The following SAMD3 variants were observed in gnomAD, a reference collection of about 807,000 sequenced individuals.
The protein encoded by SAMD3 is sterile alpha motif domain containing 3.
SAMD3 carries 63 observed loss-of-function variants against 58.5 expected under a neutral mutation model. The observed-to-expected ratio is 1.08, with a 90% CI of 0.88 to 1.33. SAMD3 has a LOEUF of 1.33. Ranked by LOEUF, SAMD3 falls within the 40% of genes most tolerant of loss-of-function variation. SAMD3 has a pLI of 0.00. For missense variants in SAMD3, 604 were observed against 608.4 expected (o/e 0.99, Z 0.08); for synonymous variants, 220 against 210.3 (o/e 1.05, Z -0.40).
chr6:130,260,676 T>G lies in SAMD3; in HGVS notation c.-187-37863A>C, dbSNP rs111838522. ...TGGTCGAGGCAGCTCCTTAGGTGACTTAAGCCTGCCCTGTGGAACATCCCT... is the reference window on the plus strand; with the variant it reads ...TGGTCGAGGCAGCTCCTTAGGTGACGTAAGCCTGCCCTGTGGAACATCCCT... On this transcript the variant is annotated intron_variant, in intron 2 of 13. Transcript: ENST00000368134. Among the ~76,000 whole-genome samples, 1,244 of 152,312 alleles carry G rather than the reference T, an allele frequency of 8.2e-3. 18 individuals are homozygous for G. Among genetic ancestry groups the G allele is most frequent in the African/African-American group, 0.029 (1,188 of 41,564 alleles).
chr6:130,144,523 A>G lies in SAMD3; in HGVS notation c.1560T>C (p.Thr520=), dbSNP rs61749311. ...CAGTACAATATTTGGCATGCTATTA[A>G]GTGAGTGGGTGCTGAAATCCTACTT... is the stretch of plus-strand genomic sequence containing the variant. ...ENEVGFQHPL[T] Residue 520 remains threonine, a synonymous_variant, in exon 12 of 12, where the codon ACT becomes ACC. Coordinates refer to ENST00000439090, the MANE Select transcript of SAMD3 (RefSeq NM_001017373.4). The G allele has an allele frequency of 6.9e-5, 111 of 1,613,518 alleles. No individual in the cohort carries two copies. The African/African-American group carries it at 1.4e-3, about 20-fold the overall frequency.
chr6:130,276,826 A>C (rs1282402590), intron 2 of SAMD3, among the ~76,000 whole-genome samples: 1 of 152,040 alleles, frequency 6.6e-6, no homozygotes, highest in Non-Finnish European at 1.5e-5. Context: ...GGATAATATC[A>C]TGGGTAGAAG....
At position 130,323,874 on chromosome 6, in the gene SAMD3, C is replaced by T. The variant is rs568656932; in HGVS notation, c.-303-10781G>A. Among the ~76,000 whole-genome samples, 3 of 146,576 alleles carry T rather than the reference C, an allele frequency of 2.0e-5. No individual in the cohort carries two copies. The South Asian group carries it at 6.6e-4, about 32-fold the overall frequency. On this transcript the variant is annotated intron_variant, in intron 1 of 13. Coordinates refer to the SAMD3 transcript ENST00000368134. ...TAAGGGAAAAGGGCAGAAAATGTGT[C>T]TTCTGGTTCCCTTTCATTAGTGTCT... is the stretch of plus-strand genomic sequence containing the variant.
At chr6:130,258,704 A>G (rs1562484829) in intron 2 of SAMD3, among the ~76,000 whole-genome samples, 1 of 151,900 alleles carries the variant, frequency 6.6e-6, no homozygotes, top group Non-Finnish European at 1.5e-5. Context: ...ACTTTCTTTC[A>G]CTGTAGATTA....
At chr6:130,331,113 G>A (rs1776919249) in intron 1 of SAMD3, among the ~76,000 whole-genome samples, 1 of 152,152 alleles carries the variant, frequency 6.6e-6, no homozygotes, top group African/African-American at 2.4e-5. Context: ...TATATGAGCA[G>A]AAAAAGTAGA....
At chr6:130,268,070 C>G (rs1354394335) in intron 2 of SAMD3, among the ~76,000 whole-genome samples, 1 of 152,146 alleles carries the variant, frequency 6.6e-6, no homozygotes, top group Non-Finnish European at 1.5e-5. Context: ...GCATAACTCA[C>G]GTTTGTGGTG....
chr6:130,296,344 T>G (rs945472640), intron 2 of SAMD3, among the ~76,000 whole-genome samples: 4 of 151,962 alleles, frequency 2.6e-5, no homozygotes, highest in Non-Finnish European at 5.9e-5. Flanking sequence ...CTGGTAAAGG[T>G]CAACCCAGGA....
intron 2 of SAMD3, among the ~76,000 whole-genome samples, chr6:130,243,099 C>G (rs1323622751): frequency 6.6e-6 from 1 of 152,196 alleles, no homozygotes; most frequent in African/African-American, 2.4e-5. Flanking sequence ...CCAAGAGCCT[C>G]ATCTTTCTTT....
At chr6:130,189,609 C>T (rs1236893737) in intron 5 of SAMD3, among the ~76,000 whole-genome samples, 6 of 152,168 alleles carry the variant, frequency 3.9e-5, no homozygotes, top group Non-Finnish European at 8.8e-5. Flanking sequence ...ATTTTCCCTA[C>T]ATTTTATCTC....
intron 8 of SAMD3, 106 bp from the exon 9 acceptor site, chr6:130,155,131 A>T: frequency 2.6e-6 from 2 of 758,222 alleles, no homozygotes; most frequent in South Asian, 1.8e-5. Context: ...GAGTATCACC[A>T]TACCTGGTTA....
intron 2 of SAMD3, among the ~76,000 whole-genome samples, chr6:130,238,795 G>A (rs1773253390): frequency 6.6e-6 from 1 of 152,186 alleles, no homozygotes; most frequent in South Asian, 2.1e-4. Flanking sequence ...GTCTCACTCT[G>A]TCGCCCAGGC....
chr6:130,231,580 TAA>T (rs1351402970), intron 2 of SAMD3, among the ~76,000 whole-genome samples: 1 of 151,940 alleles, frequency 6.6e-6, no homozygotes, highest in Non-Finnish European at 1.5e-5. Context: ...AAAATAAAAA[TAA>T]AAAAAGTAAT....
At chr6:130,326,188 TTCTGAC>T (rs974671669) in intron 1 of SAMD3, among the ~76,000 whole-genome samples, 16 of 152,194 alleles carry the variant, frequency 1.1e-4, no homozygotes, top group African/African-American at 3.4e-4. Flanking sequence ...AGTTTGGATT[TTCTGAC>T]TCTATTTGTA....
rs1021211369 is a variant in SAMD3 at position 130,145,346 on chromosome 6, A to G, written c.1272T>C (p.Asn424=). 6.2e-7 allele frequency: 1 copy of G among 1,602,962 alleles called. No homozygotes were observed. Among genetic ancestry groups the G allele is most frequent in the East Asian group, 2.2e-5 (1 of 44,742 alleles). Residue 424 remains asparagine, a synonymous_variant, in exon 11 of 12, where the codon AAT becomes AAC. Coordinates refer to ENST00000439090, the MANE Select transcript of SAMD3 (RefSeq NM_001017373.4). ...GDDPSLFVIM[N]EQVQVSTPVL... The stretch of plus-strand genomic sequence containing the variant: ...CCATTCACATACTACATACCTGTTC[A>G]TTCATGATGACAAAAAGGCTGGGAT...
At chr6:130,215,398 C>T in intron 2 of SAMD3, 104 bp from the exon 3 acceptor site, 1 of 1,233,434 alleles carries the variant, frequency 8.1e-7, no homozygotes, top group South Asian at 2.5e-5. Flanking sequence ...CCTTTATCTT[C>T]TCAATGTTAA....
chr6:130,213,036 G>A (rs1409760847), intron 4 of SAMD3, among the ~76,000 whole-genome samples: 4 of 152,096 alleles, frequency 2.6e-5, no homozygotes, highest in East Asian at 1.9e-4. Context: ...TAATCCCAGC[G>A]CTTTAGGAGG....
At chr6:130,194,827 T>C (rs947656053) in intron 5 of SAMD3, among the ~76,000 whole-genome samples, 2 of 152,310 alleles carry the variant, frequency 1.3e-5, no homozygotes, top group East Asian at 1.9e-4. Context: ...TGACACTGCC[T>C]GATCACCTTG....
chr6:130,171,166 CA>C (rs1451161637), intron 8 of SAMD3, among the ~76,000 whole-genome samples: 8 of 152,282 alleles, frequency 5.3e-5, no homozygotes, highest in Non-Finnish European at 1.0e-4. Context: ...TGAATTTTAT[CA>C]AAGGCCTTTT....
intron 8 of SAMD3, among the ~76,000 whole-genome samples, chr6:130,163,403 C>T (rs776001375): frequency 4.9e-4 from 74 of 152,248 alleles, no homozygotes; most frequent in African/African-American, 1.7e-3. Flanking sequence ...ATTCTATTGT[C>T]GTCAAGTGTT....
Sources: allele counts gnomAD v4.1 joint callset (sites outside exome capture counted in the v4.1 genomes callset), GRCh38; gene constraint gnomAD v4.1.1; transcripts MANE v1.5; gene names NCBI Gene and HGNC (gene_info 2026-07-23, HGNC 2026-07-21).